The following LSM1 variants were observed in gnomAD, a reference collection of about 807,000 sequenced individuals.
LSM1 encodes the protein U6 snRNA-associated Sm-like protein LSm1.
A neutral mutation model predicts 18.0 loss-of-function variants in LSM1; 13 were observed. The ratio of observed to expected loss-of-function variants is 0.72; its 90% CI spans 0.47 to 1.15. The LOEUF (loss-of-function observed/expected upper bound fraction) is 1.15, where lower values mean the gene tolerates loss of function less well. LSM1 is among the 50% of genes most tolerant of loss of function. LSM1 has a pLI of 0.00. For synonymous variants in LSM1, 46 were observed against 56.0 expected (o/e 0.82, Z 0.80); for missense variants, 152 against 157.7 (o/e 0.96, Z 0.19).
chr8:38,176,556 T>C, upstream of LSM1: 2 of 579,390 alleles, frequency 3.5e-6, no homozygotes, highest in Non-Finnish European at 3.0e-6. Flanking sequence ...GCCGTACCGT[T>C]GGGGGACACC....
chr8:38,174,107 T>C (rs1179129322), intron 1 of LSM1, among the ~76,000 whole-genome samples: 2 of 152,120 alleles, frequency 1.3e-5, no homozygotes, highest in African/African-American at 2.4e-5. Context: ...AAAATTAGAT[T>C]GCAGGAGTAA....
intron 1 of LSM1, chr8:38,175,826 A>C (rs1304070454): frequency 6.4e-6 from 1 of 156,684 alleles, no homozygotes; most frequent in Non-Finnish European, 1.4e-5. Context: ...ATTTACTGCC[A>C]ATTAAGTCCA....
rs1802995043 is a variant in LSM1, at chr8:38,169,875, C to G, written c.158G>C (p.Gly53Ala). The G allele has an allele frequency of 1.2e-6, 2 of 1,613,524 alleles. No homozygotes were observed. The highest frequency in any genetic ancestry group is 1.7e-5 in the Admixed American group (1 of 59,972). ...TCGAGGAATATCACCGTATTTTTTG[C>G]CCACATGAATACGCTCCACAGTCTG... ...LHQTVERIHV[G>A]KKYGDIPRGI... is the part of the protein sequence containing the mutation. The change falls in exon 3 of 4, where the codon GGC becomes GCC. Residue 53 changes from glycine (G) to alanine (A), a missense_variant. Physicochemically the swap from Gly to Ala is moderately conservative, Grantham distance 60 (BLOSUM62 0). Coordinates refer to ENST00000311351, the MANE Select transcript of LSM1 (RefSeq NM_014462.3).
chr8:38,176,036 T>C, intron 1 of LSM1: 1 of 440,208 alleles, frequency 2.3e-6, no homozygotes, highest in South Asian at 3.5e-5. Context: ...TTCCATCGCT[T>C]GGGGCTCACC....
intron 1 of LSM1, 40 bp downstream of exon 1, chr8:38,176,235 T>G (rs1585645511): frequency 6.3e-7 from 1 of 1,594,458 alleles, no homozygotes; most frequent in African/African-American, 1.3e-5. Flanking sequence ...GGAGGAAGGG[T>G]CTAACCCCGG....
At chr8:38,171,292 G>T (rs868320477) in intron 2 of LSM1, among the ~76,000 whole-genome samples, 4 of 152,182 alleles carry the variant, frequency 2.6e-5, no homozygotes, top group Non-Finnish European at 5.9e-5. Flanking sequence ...CAGCACTATG[G>T]GAGCTAAGAC....
chr8:38,168,849 G>C (rs1802981058), intron 3 of LSM1, among the ~76,000 whole-genome samples: 1 of 151,812 alleles, frequency 6.6e-6, no homozygotes, highest in South Asian at 2.1e-4. Flanking sequence ...GTCATTTCTA[G>C]CTATTTCCAA....
intron 3 of LSM1, among the ~76,000 whole-genome samples, chr8:38,167,229 C>A (rs148981955): frequency 6.6e-6 from 1 of 152,210 alleles, no homozygotes; most frequent in African/African-American, 2.4e-5. Context: ...AGAACAAACA[C>A]GTTCACCTCT....
intron 1 of LSM1, among the ~76,000 whole-genome samples, chr8:38,174,071 A>G (rs1156588000): frequency 6.6e-6 from 1 of 152,222 alleles, no homozygotes; most frequent in Admixed American, 6.5e-5. Flanking sequence ...AACTTTGAAG[A>G]ATGCAGCTTG....
chr8:38,166,040 G>A (rs182123035), intron 3 of LSM1: 38 of 152,434 alleles, frequency 2.5e-4, no homozygotes, highest in Admixed American at 1.3e-3. Context: ...ATGAATTTGC[G>A]TGTCATCCTT....
chr8:38,176,384 C>A lies in LSM1; in HGVS notation c.-64G>T. 1 of 1,350,004 alleles carries A rather than the reference C, an allele frequency of 7.4e-7. No individual in the cohort carries two copies. Among genetic ancestry groups the A allele is most frequent in the East Asian group, 2.3e-5 (1 of 42,836 alleles). The allele number at this position is 1,350,004 out of a possible 1,614,324, so 83.6% of individuals were successfully genotyped here. A position where few individuals can be genotyped will look rare whatever the true frequency, so the allele number is the denominator to read the frequency against. On this transcript the variant is annotated 5_prime_UTR_variant, in exon 1 of 4. It adds an upstream start codon to the 5' untranslated region. Coordinates refer to ENST00000311351, the MANE Select transcript of LSM1 (RefSeq NM_014462.3). ...GGCCAGCGCGTCCAAAACCTCTTCC[C>A]TCCTACCGCAGTCGCCGCCTCGGTG...
At chr8:38,171,638 G>A (rs1283531026) in intron 2 of LSM1, among the ~76,000 whole-genome samples, 1 of 152,206 alleles carries the variant, frequency 6.6e-6, no homozygotes, top group African/African-American at 2.4e-5. Context: ...CTGCACTCCA[G>A]CCTGGGTGAC....
At chr8:38,174,819 T>C (rs1017699783) in intron 1 of LSM1, among the ~76,000 whole-genome samples, 5 of 151,792 alleles carry the variant, frequency 3.3e-5, no homozygotes, top group Non-Finnish European at 7.4e-5. Flanking sequence ...GGTCAGGAGT[T>C]GGAGACCAGA....
intron 3 of LSM1, 27 bp downstream of exon 3, chr8:38,169,775 T>C (rs748237700): frequency 2.3e-6 from 3 of 1,287,946 alleles, no homozygotes; most frequent in South Asian, 2.4e-5. Context: ...TATGAAGATC[T>C]ACAGCAGCTT....
intron 1 of LSM1, chr8:38,175,895 C>T (rs1298620146): frequency 2.2e-5 from 4 of 184,976 alleles, no homozygotes; most frequent in Non-Finnish European, 4.5e-5. Context: ...GTATTCCGAT[C>T]CATCCACCGG....
chr8:38,163,492 A>G lies in LSM1; in HGVS notation c.*178T>C. Reference sequence around the variant, plus strand: ...TGTTTCTTTAAACAGTGATTTTGTTATTAAAAAAAAAACCCACCTACACGA... The same window carrying G: ...TGTTTCTTTAAACAGTGATTTTGTTGTTAAAAAAAAAACCCACCTACACGA... On this transcript the variant is annotated 3_prime_UTR_variant, in exon 4 of 4. Transcript: ENST00000311351. 1 of 539,482 alleles carries G rather than the reference A, an allele frequency of 1.9e-6. No individual in the cohort carries two copies. The allele number at this position is 539,482 out of a possible 1,614,324, so 33.4% of individuals were successfully genotyped here. A position where few individuals can be genotyped will look rare whatever the true frequency, so the allele number is the denominator to read the frequency against.
chr8:38,173,186 G>A (rs1354518444), intron 1 of LSM1, among the ~76,000 whole-genome samples: 1 of 152,202 alleles, frequency 6.6e-6, no homozygotes, highest in African/African-American at 2.4e-5. Flanking sequence ...ATGCAGAACA[G>A]AGGAAAAACA....
Position 38,169,819 on chromosome 8 carries a change from C to T in LSM1, c.214G>A (p.Val72Ile). Residue 72 changes from valine to isoleucine, a missense_variant, in exon 3 of 4, where the codon GTC becomes ATC. Physicochemically the swap from Val to Ile is conservative, Grantham distance 29. Transcript: ENST00000311351. ...TCACTTACTATTTCTCCTAGTAGGACCACATTTTCTCCTCTGACCACAAAA... is the reference window on the plus strand; with the variant it reads ...TCACTTACTATTTCTCCTAGTAGGATCACATTTTCTCCTCTGACCACAAAA... ...GIFVVRGENV[V>I]LLGEIDLEKE... 6.2e-7 allele frequency: 1 copy of T among 1,610,154 alleles called. No homozygotes were observed. The highest frequency in any genetic ancestry group is 8.5e-7 in the Non-Finnish European group (1 of 1,176,558).
intron 1 of LSM1, among the ~76,000 whole-genome samples, chr8:38,174,786 G>A (rs904736958): frequency 2.7e-4 from 41 of 152,054 alleles, no homozygotes; most frequent in South Asian, 4.1e-4. Context: ...ACTCTGGGAG[G>A]CCGAGGTGGG....
Sources: allele counts gnomAD v4.1 joint callset (sites outside exome capture counted in the v4.1 genomes callset), GRCh38; gene constraint gnomAD v4.1.1; transcripts MANE v1.5; gene names NCBI Gene and HGNC (gene_info 2026-07-23, HGNC 2026-07-21).